Variants in CADPS observed in about 807,000 individuals in gnomAD.
CADPS encodes the protein calcium dependent secretion activator, also known as calcium-dependent secretion activator 1.
A neutral mutation model predicts 167.3 loss-of-function variants in CADPS; 57 were observed. That is an observed-to-expected ratio of 0.34 (90% confidence interval 0.28 to 0.42). CADPS has a LOEUF of 0.42. Ranked by LOEUF, CADPS falls within the 20% of genes least tolerant of loss-of-function variation. CADPS has a pLI of 1.00. For missense variants in CADPS, 1,414 were observed against 1,738.1 expected (o/e 0.81, Z 3.32); for synonymous variants, 676 against 635.3 (o/e 1.06, Z -0.96).
chr3:62,865,987 C>G (rs770234385), intron 1 of CADPS, among the ~76,000 whole-genome samples: 5 of 152,102 alleles, frequency 3.3e-5, no homozygotes, highest in Admixed American at 3.3e-4. Flanking sequence ...CTAATTTTCA[C>G]TAACCCAAAT....
intron 21 of CADPS, among the ~76,000 whole-genome samples, chr3:62,487,555 C>G (rs1044459714): frequency 2.0e-5 from 3 of 152,196 alleles, no homozygotes; most frequent in Non-Finnish European, 4.4e-5. Flanking sequence ...AAAGAGATGA[C>G]ATTGTCCACC....
Position 62,399,724 on chromosome 3 carries a change from CTG to C in CADPS, c.3883-141_3883-140del, listed in dbSNP as rs1192300563. ...TTATGCATTGTCAAATAAAAAGCCA[CTG>C]TGCTTAGATTTCACTTGTATTGAAA... is the stretch of plus-strand genomic sequence containing the variant. On this transcript the variant is annotated intron_variant, in intron 29 of 29. Coordinates refer to ENST00000383710, the MANE Select transcript of CADPS (RefSeq NM_003716.4). The surrounding 1 kb of genome is among the most constrained non-coding windows in gnomAD (Gnocchi z 5.6). 2 of 644,076 alleles carry C rather than the reference CTG, an allele frequency of 3.1e-6. No homozygotes were observed. Among genetic ancestry groups the C allele is most frequent in the African/African-American group, 3.6e-5 (2 of 55,376 alleles). 39.9% of individuals were successfully genotyped at this position (644,076 alleles called of 1,614,324 possible).
rs537085977 is a variant in CADPS at position 62,819,159 on chromosome 3, CTGTT to C, written c.442-53179_442-53176del. Among the ~76,000 whole-genome samples the C allele has an allele frequency of 1.2e-3, 183 of 152,108 alleles. 1 individual carries two copies. The highest frequency in any genetic ancestry group is 5.4e-3 in the Admixed American group (82 of 15,266). On this transcript the variant is annotated intron_variant, in intron 1 of 29. Transcript: ENST00000383710. Reference sequence around the variant, plus strand: ...ACTCAGTGAACTGTACACTTAAGATCTGTTTGTTTGAATGGATGTAAATTATTCT... The same window carrying C: ...ACTCAGTGAACTGTACACTTAAGATCTGTTTGAATGGATGTAAATTATTCT...
intron 1 of CADPS, among the ~76,000 whole-genome samples, chr3:62,812,746 A>G (rs566883699): frequency 1.3e-5 from 2 of 152,174 alleles, no homozygotes; most frequent in African/African-American, 2.4e-5. Context: ...CCCTTTCTGA[A>G]TTACAAGTGA....
chr3:62,445,964 C>G (rs1352580263), intron 26 of CADPS, among the ~76,000 whole-genome samples, 167 bp from the exon 27 acceptor site: 3 of 152,146 alleles, frequency 2.0e-5, no homozygotes, highest in Non-Finnish European at 4.4e-5. Flanking sequence ...TTTTTTCAAG[C>G]CATAGCCACT....
intron 6 of CADPS, among the ~76,000 whole-genome samples, chr3:62,631,979 T>C (rs925681504): frequency 6.6e-6 from 1 of 152,206 alleles, no homozygotes; most frequent in African/African-American, 2.4e-5. Context: ...AACTGTCTGT[T>C]TGCCCCAGGA....
intron 9 of CADPS, among the ~76,000 whole-genome samples, chr3:62,558,589 T>C (rs1312276106): frequency 2.0e-5 from 3 of 152,204 alleles, no homozygotes; most frequent in Admixed American, 6.5e-5. Context: ...GTCTCTTCTA[T>C]AGTGAGATTT....
chr3:62,442,617 T>G (rs922620520), intron 27 of CADPS, among the ~76,000 whole-genome samples: 2 of 152,186 alleles, frequency 1.3e-5, no homozygotes, highest in African/African-American at 4.8e-5. Context: ...TCAAGGCTAA[T>G]TTTGAGCTAC....
intron 21 of CADPS, among the ~76,000 whole-genome samples, chr3:62,488,293 A>G (rs1174007630): frequency 1.3e-5 from 2 of 152,148 alleles, no homozygotes; most frequent in Non-Finnish European, 2.9e-5. Context: ...ATTTCTATTC[A>G]CGTTGTAGGA....
intron 3 of CADPS, among the ~76,000 whole-genome samples, chr3:62,674,742 T>A (rs1482999572): frequency 6.6e-6 from 1 of 152,178 alleles, no homozygotes; most frequent in Admixed American, 6.5e-5. Flanking sequence ...TGTGTGCAAA[T>A]GCACAAAGGT....
At position 62,469,520 on chromosome 3, in the gene CADPS, C is replaced by CT. The variant is rs567272976; in HGVS notation, c.3478-3108dup. On this transcript the variant is annotated intron_variant, in intron 24 of 29. Transcript: ENST00000383710. Reference sequence around the variant, plus strand: ...CCATTTTCCAGTCCTCTCTGCTGGCCTTTTTTTTTTGAGATGGAGTCTTGC... The same window carrying CT: ...CCATTTTCCAGTCCTCTCTGCTGGCCTTTTTTTTTTTGAGATGGAGTCTTGC... 2.6e-3 allele frequency: 392 copies of CT among 148,756 alleles called. 1 individual carries two copies. Among genetic ancestry groups the CT allele is most frequent in the Middle Eastern group, 6.8e-3 (2 of 292 alleles). 9.2% of individuals were successfully genotyped at this position (148,756 alleles called of 1,614,324 possible).
chr3:62,575,168 T>C (rs2082036690), intron 8 of CADPS, among the ~76,000 whole-genome samples: 1 of 152,230 alleles, frequency 6.6e-6, no homozygotes, highest in Non-Finnish European at 1.5e-5. Context: ...TATATAATCA[T>C]AAGACATGAG....
At chr3:62,691,290 T>G (rs535329216) in intron 3 of CADPS, among the ~76,000 whole-genome samples, 1 of 152,052 alleles carries the variant, frequency 6.6e-6, no homozygotes, top group Non-Finnish European at 1.5e-5. Context: ...AACCCTAATG[T>G]AAACCAAGAG....
intron 2 of CADPS, among the ~76,000 whole-genome samples, chr3:62,755,544 A>G (rs1333552856): frequency 1.3e-5 from 2 of 152,172 alleles, no homozygotes; most frequent in African/African-American, 4.8e-5. Context: ...ATGAGACAGC[A>G]CTGCCTGGGG....
At chr3:62,716,014 G>C (rs2151894693) in intron 3 of CADPS, among the ~76,000 whole-genome samples, 1 of 151,322 alleles carries the variant, frequency 6.6e-6, no homozygotes, top group South Asian at 2.1e-4. Flanking sequence ...CAAAGTGCTG[G>C]GATCACAGGA....
At position 62,449,431 on chromosome 3, in the gene CADPS, A is replaced by C. The variant is rs1046437065; in HGVS notation, c.3637-3634T>G. On this transcript the variant is annotated intron_variant, in intron 26 of 29. Transcript: ENST00000383710. ...GTAGCAGAGCGGAGAAATTGACAGA[A>C]CCAGGATGAGAATCTTTTCCTGTAC... 6.6e-5 allele frequency among the ~76,000 whole-genome samples: 10 copies of C among 152,316 alleles called. 1 individual carries two copies. Among genetic ancestry groups the C allele is most frequent in the Middle Eastern group, 3.4e-3 (1 of 294 alleles).
intron 17 of CADPS, among the ~76,000 whole-genome samples, chr3:62,510,055 C>T (rs1219784252): frequency 2.6e-5 from 4 of 152,144 alleles, no homozygotes; most frequent in African/African-American, 9.7e-5. Flanking sequence ...CCCATAGGTT[C>T]ATAGGTGGCT....
chr3:62,537,159 C>G (rs1184189654), intron 11 of CADPS, among the ~76,000 whole-genome samples: 1 of 152,112 alleles, frequency 6.6e-6, no homozygotes, highest in African/African-American at 2.4e-5. Flanking sequence ...TCATTGAAAC[C>G]TGGAGATTAA....
intron 3 of CADPS, among the ~76,000 whole-genome samples, chr3:62,686,848 C>T (rs1213020248): frequency 6.6e-6 from 1 of 152,088 alleles, no homozygotes; most frequent in Non-Finnish European, 1.5e-5. Context: ...TCCCAGAATG[C>T]ATTGGGTAGT....
Sources: allele counts gnomAD v4.1 joint callset (sites outside exome capture counted in the v4.1 genomes callset), GRCh38; gene constraint gnomAD v4.1.1; non-coding constraint Gnocchi (gnomAD v3.1); transcripts MANE v1.5; gene names NCBI Gene and HGNC (gene_info 2026-07-23, HGNC 2026-07-21).